Variants in TIAM1 observed in about 807,000 individuals in gnomAD.
TIAM1 encodes rho guanine nucleotide exchange factor TIAM1.
A neutral mutation model predicts 163.5 loss-of-function variants in TIAM1; 65 were observed. The observed-to-expected ratio is 0.40, with a 90% CI of 0.33 to 0.49. The LOEUF (loss-of-function observed/expected upper bound fraction) is 0.49. Among genes scored for constraint, TIAM1 ranks in the 20% least tolerant of loss-of-function variants. The pLI, the probability that TIAM1 is intolerant of heterozygous loss-of-function variation, is 0.77. For missense variants in TIAM1, 1,789 were observed against 2,044.7 expected (o/e 0.87, Z 2.41); for synonymous variants, 833 against 810.1 (o/e 1.03, Z -0.48).
At chr21:31,486,348 G>A (rs1018314575) in intron 1 of TIAM1, among the ~76,000 whole-genome samples, 1 of 152,178 alleles carries the variant, frequency 6.6e-6, no homozygotes, top group Non-Finnish European at 1.5e-5. Context: ...CTGCACCGGC[G>A]TCATCCTGCC....
chr21:31,338,507 G>A (rs970765761), intron 2 of TIAM1, among the ~76,000 whole-genome samples: 6 of 152,150 alleles, frequency 3.9e-5, no homozygotes, highest in African/African-American at 7.2e-5. Context: ...TTTGGTCTAC[G>A]TCATTCTCCT....
chr21:31,134,606 G>T (rs983813391), intron 23 of TIAM1, among the ~76,000 whole-genome samples: 4 of 152,162 alleles, frequency 2.6e-5, no homozygotes, highest in Admixed American at 6.5e-5. Context: ...TGCCTCCAGG[G>T]TTCAAGCGAT....
At chr21:31,259,497 G>A (rs1308507782) in intron 4 of TIAM1, among the ~76,000 whole-genome samples, 1 of 152,000 alleles carries the variant, frequency 6.6e-6, no homozygotes, top group East Asian at 1.9e-4. Flanking sequence ...TGTAGTCCCA[G>A]CTACCCAAGA....
At chr21:31,178,218 G>T (rs1601428036) in intron 15 of TIAM1, among the ~76,000 whole-genome samples, 2 of 151,924 alleles carry the variant, frequency 1.3e-5, no homozygotes, top group Non-Finnish European at 2.9e-5. Context: ...AGGCAGATAG[G>T]CAGAGACCCA....
intron 2 of TIAM1, among the ~76,000 whole-genome samples, chr21:31,372,712 G>A (rs991266588): frequency 9.2e-5 from 14 of 152,178 alleles, no homozygotes; most frequent in African/African-American, 3.1e-4. Context: ...GCTTACACCT[G>A]TAATCCCCCA....
chr21:31,318,721 CATATAA>C (rs1344841962), intron 2 of TIAM1, among the ~76,000 whole-genome samples: 1 of 152,130 alleles, frequency 6.6e-6, no homozygotes, highest in Non-Finnish European at 1.5e-5. Context: ...AAGAGTTCTG[CATATAA>C]ATCTTCCTGA....
At chr21:31,497,534 C>G (rs1602421997) in intron 1 of TIAM1, among the ~76,000 whole-genome samples, 1 of 151,994 alleles carries the variant, frequency 6.6e-6, no homozygotes, top group African/African-American at 2.4e-5. Flanking sequence ...ACCATTACTA[C>G]CTCTTTGTAG....
Position 31,202,927 on chromosome 21 carries a change from T to G in TIAM1, c.2474A>C (p.Glu825Ala), listed in dbSNP as rs749318489. 10 of 1,614,154 alleles carry G rather than the reference T, an allele frequency of 6.2e-6. No homozygotes were observed. Among genetic ancestry groups the G allele is most frequent in the Non-Finnish European group, 8.5e-6 (10 of 1,179,992 alleles). ...CATTACCAGCTCATAGATGTCTTCCTCGGGCTGTGGAACATAGAGCTGCAT... is the reference window on the plus strand; with the variant it reads ...CATTACCAGCTCATAGATGTCTTCCGCGGGCTGTGGAACATAGAGCTGCAT... ...NKMQLYVPQPEEDIYELLYKE... is the reference protein window; with the variant it reads ...NKMQLYVPQPAEDIYELLYKE... The change falls in exon 12 of 28, where the codon GAG (glutamate) becomes GCG (alanine). Residue 825 changes from glutamate to alanine, a missense_variant. This residue lies in a region of TIAM1 where 456 missense variants were observed against 586.6 expected (regional missense o/e 0.78). Coordinates refer to ENST00000541036, the MANE Select transcript of TIAM1 (RefSeq NM_001353694.2).
Position 31,454,670 on chromosome 21 carries a change from G to A in TIAM1, c.-369+9313C>T, listed in dbSNP as rs1224944213. ...GGACATAGAGATTGGTTACAAACAT[G>A]CCAGTTGACCAAATAAGTAAAGATA... On this transcript the variant is annotated intron_variant, in intron 2 of 28. Transcript: ENST00000286827. Among the ~76,000 whole-genome samples, 5 of 152,186 alleles carry A rather than the reference G, an allele frequency of 3.3e-5. No homozygotes were observed. The East Asian group carries it at 9.6e-4, about 29-fold the overall frequency.
chr21:31,306,283 C>T (rs2074708255), intron 2 of TIAM1, among the ~76,000 whole-genome samples: 1 of 149,896 alleles, frequency 6.7e-6, no homozygotes, highest in Middle Eastern at 3.2e-3. Flanking sequence ...GACCCTGTCT[C>T]TAAAAAAAAA....
intron 15 of TIAM1, among the ~76,000 whole-genome samples, chr21:31,181,389 C>A (rs2085003994): frequency 1.3e-5 from 2 of 151,838 alleles, no homozygotes; most frequent in Admixed American, 6.6e-5. Flanking sequence ...TTGTGGGGGC[C>A]CAGAGGAGAG....
chr21:31,184,674 AAG>A (rs1410996072), intron 14 of TIAM1, among the ~76,000 whole-genome samples: 1 of 152,162 alleles, frequency 6.6e-6, no homozygotes, highest in African/African-American at 2.4e-5. Context: ...GTTGTGATGA[AAG>A]AGATAAAAAT....
chr21:31,440,771 C>A (rs1171906921), intron 2 of TIAM1, among the ~76,000 whole-genome samples: 1 of 152,114 alleles, frequency 6.6e-6, no homozygotes, highest in Non-Finnish European at 1.5e-5. Flanking sequence ...ATCCCAGCTA[C>A]TGGGGAGGCT....
chr21:31,209,463 A>C (rs2086616024), intron 11 of TIAM1, among the ~76,000 whole-genome samples: 1 of 152,180 alleles, frequency 6.6e-6, no homozygotes, highest in African/African-American at 2.4e-5. Context: ...ATCATTTGTC[A>C]TGTTTCTAAA....
chr21:31,437,276 C>T (rs1488217445), intron 2 of TIAM1, among the ~76,000 whole-genome samples: 2 of 152,008 alleles, frequency 1.3e-5, no homozygotes, highest in Non-Finnish European at 2.9e-5. Context: ...CGCTTGTAAT[C>T]CTAAGGATTG....
chr21:31,278,177 A>G (rs1276895597), intron 2 of TIAM1, among the ~76,000 whole-genome samples: 2 of 152,218 alleles, frequency 1.3e-5, no homozygotes, highest in Non-Finnish European at 2.9e-5. Context: ...AGAGAGTAAA[A>G]CAGAAGCCCA....
chr21:31,303,793 CAT>C (rs1386423605), intron 2 of TIAM1, among the ~76,000 whole-genome samples: 1 of 151,954 alleles, frequency 6.6e-6, no homozygotes, highest in Non-Finnish European at 1.5e-5. Flanking sequence ...GCCTAGCCAA[CAT>C]AGTGAAACCT....
intron 2 of TIAM1, chr21:31,453,060 G>T: frequency 2.4e-6 from 1 of 410,490 alleles, no homozygotes; most frequent in African/African-American, 2.1e-5. Context: ...AATGTATCTG[G>T]GAGATATATT....
At chr21:31,215,593 G>C (rs1167098537) in intron 9 of TIAM1, among the ~76,000 whole-genome samples, 2 of 140,516 alleles carry the variant, frequency 1.4e-5, no homozygotes, top group African/African-American at 2.8e-5. Flanking sequence ...AAAAAAAGAA[G>C]AGAAATGCTG....
Sources: allele counts gnomAD v4.1 joint callset (sites outside exome capture counted in the v4.1 genomes callset), GRCh38; gene constraint gnomAD v4.1.1; regional missense constraint gnomAD v4.1.1; transcripts MANE v1.5; gene names NCBI Gene and HGNC (gene_info 2026-07-23, HGNC 2026-07-21).